The following GALNT17 variants were observed in gnomAD, a reference collection of about 807,000 sequenced individuals.
The protein encoded by GALNT17 is UDP-GalNAc:polypeptide N-acetylgalactosaminyltransferase-like 3.
Under a neutral mutation model 63.7 loss-of-function variants are expected in GALNT17, and 29 were observed. The observed-to-expected ratio is 0.46, with a 90% CI of 0.34 to 0.62. GALNT17 has a LOEUF of 0.62. Among genes scored for constraint, GALNT17 ranks in the 20% least tolerant of loss-of-function variants. The pLI, the probability that GALNT17 is intolerant of heterozygous loss-of-function variation, is 0.01. For missense variants in GALNT17, 603 were observed against 799.6 expected, an observed-to-expected ratio of 0.75 and a Z score of 2.97; for synonymous variants, 305 against 318.3, an observed-to-expected ratio of 0.96 and a Z score of 0.45.
At chr7:71,139,817 AC>A (rs1444333461) in intron 1 of GALNT17, among the ~76,000 whole-genome samples, 2 of 152,082 alleles carry the variant, frequency 1.3e-5, no homozygotes, top group South Asian at 2.1e-4. Flanking sequence ...ACATGGTGAA[AC>A]CCCGTCTCTA....
rs539812266 is a variant in GALNT17, at chr7:71,144,127, C to T, written c.238+11087C>T. ...TCTGACCTGAGCCCTCTCTCAGGCTCCCACTTCTCTTACACCTTGTTGAGG... is the reference window on the plus strand; with the variant it reads ...TCTGACCTGAGCCCTCTCTCAGGCTTCCACTTCTCTTACACCTTGTTGAGG... On this transcript the variant is annotated intron_variant, in intron 1 of 10. Coordinates refer to ENST00000333538, the MANE Select transcript of GALNT17 (RefSeq NM_022479.3). Among the ~76,000 whole-genome samples, 520 of 152,232 alleles carry T rather than the reference C, an allele frequency of 3.4e-3. 1 individual carries two copies. The highest frequency in any genetic ancestry group is 5.8e-3 in the Non-Finnish European group (393 of 68,016).
At chr7:71,178,566 G>A (rs1318199003) in intron 1 of GALNT17, among the ~76,000 whole-genome samples, 2 of 152,098 alleles carry the variant, frequency 1.3e-5, no homozygotes, top group Non-Finnish European at 2.9e-5. Context: ...GGGAGGCTCT[G>A]TTCTATTTTT....
chr7:71,317,724 G>A (rs1025115999), intron 1 of GALNT17, among the ~76,000 whole-genome samples: 2 of 152,152 alleles, frequency 1.3e-5, no homozygotes, highest in Non-Finnish European at 2.9e-5. Context: ...TATTCAGGGA[G>A]TTATTTTTGG....
At chr7:71,343,434 A>G (rs1792039526) in intron 2 of GALNT17, among the ~76,000 whole-genome samples, 1 of 152,212 alleles carries the variant, frequency 6.6e-6, no homozygotes, top group African/African-American at 2.4e-5. Flanking sequence ...ATATGAATGA[A>G]TGTTTAGGTA....
At chr7:71,220,722 G>A (rs893033284) in intron 1 of GALNT17, among the ~76,000 whole-genome samples, 3 of 152,012 alleles carry the variant, frequency 2.0e-5, no homozygotes, top group African/African-American at 7.2e-5. Context: ...AAGGAGATTA[G>A]GACACAGACA....
intron 1 of GALNT17, among the ~76,000 whole-genome samples, chr7:71,317,073 C>T (rs536670042): frequency 3.9e-5 from 6 of 152,138 alleles, no homozygotes; most frequent in Non-Finnish European, 5.9e-5. Flanking sequence ...CTGCGGCCTC[C>T]GGCTTGAGCT....
At chr7:71,232,725 C>A (rs1453161374) in intron 1 of GALNT17, among the ~76,000 whole-genome samples, 1 of 152,096 alleles carries the variant, frequency 6.6e-6, no homozygotes, top group Admixed American at 6.5e-5. Flanking sequence ...GTCCGTGCTG[C>A]AGTTCTATTT....
intron 1 of GALNT17, among the ~76,000 whole-genome samples, chr7:71,269,600 G>A (rs1401005384): frequency 1.3e-5 from 2 of 152,220 alleles, no homozygotes; most frequent in East Asian, 3.9e-4. Context: ...TCATCTGTCT[G>A]CAGAGGTCCT....
At chr7:71,559,039 T>C (rs1317874827) in intron 5 of GALNT17, among the ~76,000 whole-genome samples, 1 of 152,226 alleles carries the variant, frequency 6.6e-6, no homozygotes, top group Non-Finnish European at 1.5e-5. Flanking sequence ...GCATGAATTA[T>C]CTTTTCAGCA....
At chr7:71,441,366 ATC>A (rs891771111) in intron 5 of GALNT17, among the ~76,000 whole-genome samples, 28 of 152,298 alleles carry the variant, frequency 1.8e-4, no homozygotes, top group African/African-American at 6.7e-4. Context: ...CCAATGAACT[ATC>A]TGCAGTACAG....
chr7:71,525,606 T>C (rs111308442), intron 5 of GALNT17, among the ~76,000 whole-genome samples: 165 of 152,120 alleles, frequency 1.1e-3, no homozygotes, highest in African/African-American at 3.6e-3. Flanking sequence ...TCTGCCACCA[T>C]GTAAGATGTG....
intron 5 of GALNT17, among the ~76,000 whole-genome samples, chr7:71,475,373 C>T (rs183362409): frequency 1.5e-4 from 23 of 152,260 alleles, no homozygotes; most frequent in Middle Eastern, 3.4e-3. Context: ...TGCAACTAAA[C>T]GGTCCCTTCT....
chr7:71,701,912 C>T (rs936783308), intron 9 of GALNT17, among the ~76,000 whole-genome samples: 11,114 of 121,472 alleles, frequency 0.091, 847 homozygotes, highest in South Asian at 0.13. Context: ...TATATATATA[C>T]ATATATATAT....
intron 1 of GALNT17, among the ~76,000 whole-genome samples, chr7:71,263,970 G>C (rs1447292653): frequency 1.3e-5 from 2 of 152,160 alleles, no homozygotes; most frequent in Non-Finnish European, 2.9e-5. Context: ...TCCATGTGTG[G>C]GAGCGAGTGG....
intron 1 of GALNT17, among the ~76,000 whole-genome samples, chr7:71,136,445 C>A (rs555645404): frequency 1.3e-5 from 2 of 152,114 alleles, no homozygotes; most frequent in South Asian, 2.1e-4. Flanking sequence ...CCTGTGAAGT[C>A]CAAGCAGGTG....
At chr7:71,576,856 C>T (rs558876570) in intron 6 of GALNT17, among the ~76,000 whole-genome samples, 12 of 152,294 alleles carry the variant, frequency 7.9e-5, no homozygotes, top group Middle Eastern at 3.4e-3. Context: ...GCACGAGCCA[C>T]GCTCCTGGCC....
chr7:71,625,422 AGGCGTG>A (rs1790357645), intron 6 of GALNT17, among the ~76,000 whole-genome samples: 2 of 152,142 alleles, frequency 1.3e-5, no homozygotes, highest in Non-Finnish European at 2.9e-5. Flanking sequence ...CTGGGATTAT[AGGCGTG>A]AGCCACCGAG....
chr7:71,708,254 CAT>C (rs1791747646), intron 9 of GALNT17, among the ~76,000 whole-genome samples: 2 of 152,112 alleles, frequency 1.3e-5, no homozygotes, highest in South Asian at 4.2e-4. Flanking sequence ...TTAATGGACT[CAT>C]AGTTCTACAT....
chr7:71,462,044 C>T lies in GALNT17; in HGVS notation c.962+40939C>T, dbSNP rs192903542. ...GATGCAGAGGTCTGGGAAGGCAGAG[C>T]AGACCTGCCCCTACTCTGCGATGGT... On this transcript the variant is annotated intron_variant, in intron 5 of 10. Transcript: ENST00000333538. 1.2e-3 allele frequency among the ~76,000 whole-genome samples: 177 copies of T among 152,274 alleles called. 2 individuals are homozygous for T. The highest frequency in any genetic ancestry group is 4.1e-3 in the African/African-American group (171 of 41,560).
Sources: gnomAD v4.1 joint callset for allele counts (sites outside exome capture counted in the v4.1 genomes callset) on GRCh38, gnomAD v4.1.1 for gene constraint, MANE v1.5 for transcripts, NCBI Gene and HGNC (gene_info 2026-07-23, HGNC 2026-07-21) for gene names.